Variants in KLF12 observed in about 807,000 individuals in gnomAD.
KLF12 encodes the protein KLF transcription factor 12, also known as Krueppel-like factor 12.
A neutral mutation model predicts 37.8 loss-of-function variants in KLF12; 9 were observed. The ratio of observed to expected loss-of-function variants is 0.24; its 90% CI spans 0.14 to 0.42. KLF12 has a LOEUF of 0.42. Ranked by LOEUF, KLF12 falls within the 10% of genes least tolerant of loss-of-function variation. The pLI is 1.00. For missense variants in KLF12, 411 were observed against 516.0 expected, an observed-to-expected ratio of 0.80 and a Z score of 1.97; for synonymous variants, 208 against 202.1, an observed-to-expected ratio of 1.03 and a Z score of -0.25.
chr13:74,192,743 T>C, the KLF12 span, among the ~76,000 whole-genome samples: 1 of 152,232 alleles, frequency 6.6e-6, no homozygotes, highest in Non-Finnish European at 1.5e-5. Flanking sequence ...TTTCATGCTA[T>C]GGACACTTTG....
At chr13:74,163,278 A>T in the KLF12 span, among the ~76,000 whole-genome samples, 1 of 152,142 alleles carries the variant, frequency 6.6e-6, no homozygotes. Context: ...AGATATCTGC[A>T]CTCCTATATT....
At chr13:74,203,538 A>G in the KLF12 span, among the ~76,000 whole-genome samples, 2 of 152,138 alleles carry the variant, frequency 1.3e-5, no homozygotes, top group Non-Finnish European at 2.9e-5. Flanking sequence ...GATAAGGCAA[A>G]AAAAGGTAAT....
At chr13:73,958,975 G>T (rs1397961468) in intron 2 of KLF12, among the ~76,000 whole-genome samples, 1 of 152,064 alleles carries the variant, frequency 6.6e-6, no homozygotes, top group African/African-American at 2.4e-5. Flanking sequence ...ACCTAACTTT[G>T]TATCTTTAGC....
chr13:73,718,060 A>T (rs1875949966), intron 6 of KLF12, among the ~76,000 whole-genome samples: 1 of 152,228 alleles, frequency 6.6e-6, no homozygotes, highest in African/African-American at 2.4e-5. Context: ...TTATAACTTA[A>T]AGTCTATAAG....
rs115421648 is a variant in KLF12, at chr13:73,794,872, C to T, written c.806+18280G>A. ...AGCCCACAAAATAAAGAAGCCATTA[C>T]ATTAACAAATGGATCAGATTGCTTA... On this transcript the variant is annotated intron_variant, in intron 5 of 7. Coordinates refer to ENST00000377669, the MANE Select transcript of KLF12 (RefSeq NM_007249.5). Among the ~76,000 whole-genome samples, 946 of 152,288 alleles carry T rather than the reference C, an allele frequency of 6.2e-3. 13 individuals carry two copies. The highest frequency in any genetic ancestry group is 0.022 in the African/African-American group (906 of 41,570).
rs561791054 is a variant in KLF12, at chr13:73,863,930, T to G, written c.124-17557A>C. On this transcript the variant is annotated intron_variant, in intron 3 of 7. Transcript: ENST00000377669. ...AAGACTATAAATACTTGTATGTCAG[T>G]TTAGTACAGTTTTTAATTCTAAATA... 6.2e-4 allele frequency among the ~76,000 whole-genome samples: 94 copies of G among 152,238 alleles called. 1 individual carries two copies. Among genetic ancestry groups the G allele is most frequent in the Admixed American group, 3.1e-3 (47 of 15,288 alleles).
At chr13:74,153,743 G>A in the KLF12 span, among the ~76,000 whole-genome samples, 1 of 152,290 alleles carries the variant, frequency 6.6e-6, no homozygotes, top group East Asian at 1.9e-4. Context: ...TGAAAGTCAA[G>A]CTATTGATTG....
intron 6 of KLF12, among the ~76,000 whole-genome samples, chr13:73,720,140 G>GA (rs1411996281): frequency 6.6e-6 from 1 of 152,022 alleles, no homozygotes; most frequent in African/African-American, 2.4e-5. Flanking sequence ...AGATAAGCTG[G>GA]AAAAAGTGAG....
chr13:73,826,141 T>G (rs184536530), intron 4 of KLF12, among the ~76,000 whole-genome samples: 8 of 151,820 alleles, frequency 5.3e-5, no homozygotes, highest in Non-Finnish European at 1.0e-4. Context: ...CCTGGCTAAT[T>G]TTTTTGTATC....
the KLF12 span, among the ~76,000 whole-genome samples, chr13:74,162,031 T>G: frequency 6.6e-6 from 1 of 152,232 alleles, no homozygotes; most frequent in Non-Finnish European, 1.5e-5. Context: ...CAGATAGAGT[T>G]CATTTTAATA....
intron 3 of KLF12, among the ~76,000 whole-genome samples, chr13:73,926,360 T>C (rs1253846771): frequency 6.6e-6 from 1 of 152,178 alleles, no homozygotes; most frequent in Non-Finnish European, 1.5e-5. Context: ...TTGCTGAAAG[T>C]CCAGATGATC....
At chr13:74,130,401 G>C (rs1219018579) in intron 1 of KLF12, among the ~76,000 whole-genome samples, 2 of 152,122 alleles carry the variant, frequency 1.3e-5, no homozygotes, top group African/African-American at 4.8e-5. Context: ...CAGCGCAGTC[G>C]CTGATGCCTA....
intron 4 of KLF12, among the ~76,000 whole-genome samples, chr13:73,822,875 A>G (rs1398873249): frequency 6.6e-6 from 1 of 152,200 alleles, no homozygotes; most frequent in Admixed American, 6.5e-5. Context: ...ATATCACCAC[A>G]CCACTATTCC....
intron 1 of KLF12, among the ~76,000 whole-genome samples, chr13:74,093,499 T>A (rs893792849): frequency 6.6e-6 from 1 of 151,984 alleles, no homozygotes; most frequent in Non-Finnish European, 1.5e-5. Context: ...GCTCATAGAA[T>A]TGGGCAAAGC....
intron 3 of KLF12, among the ~76,000 whole-genome samples, chr13:73,881,419 C>T (rs2138952553): frequency 6.6e-6 from 1 of 151,868 alleles, no homozygotes; most frequent in South Asian, 2.1e-4. Flanking sequence ...TGCTCAAAAG[C>T]AATTAAAACC....
intron 1 of KLF12, among the ~76,000 whole-genome samples, chr13:74,011,926 T>C (rs1289775555): frequency 6.6e-6 from 1 of 152,214 alleles, no homozygotes; most frequent in Non-Finnish European, 1.5e-5. Flanking sequence ...TTCCTGAAAC[T>C]GATTCAGTTA....
intron 1 of KLF12, among the ~76,000 whole-genome samples, chr13:74,012,632 A>C (rs908931690): frequency 1.3e-5 from 2 of 152,232 alleles, no homozygotes; most frequent in African/African-American, 4.8e-5. Flanking sequence ...CAACATTTTC[A>C]TTCAGTTGTT....
chr13:74,033,431 G>T (rs1893165965), intron 1 of KLF12, among the ~76,000 whole-genome samples: 2 of 152,118 alleles, frequency 1.3e-5, no homozygotes, highest in African/African-American at 4.8e-5. Context: ...CTATAAGATA[G>T]GGCTAATAAT....
chr13:73,720,375 T>C (rs1330696284), intron 6 of KLF12, among the ~76,000 whole-genome samples: 1 of 90,760 alleles, frequency 1.1e-5, no homozygotes, highest in East Asian at 4.1e-4. Context: ...AGAATGGGAA[T>C]GTGCAAGTAA....
Sources: gnomAD v4.1 joint callset for allele counts (sites outside exome capture counted in the v4.1 genomes callset) on GRCh38, gnomAD v4.1.1 for gene constraint, MANE v1.5 for transcripts, NCBI Gene and HGNC (gene_info 2026-07-23, HGNC 2026-07-21) for gene names.